The following ANAPC5 variants were observed in gnomAD, a reference collection of about 807,000 sequenced individuals.
ANAPC5 encodes the protein anaphase-promoting complex subunit 5.
Under a neutral mutation model 91.3 loss-of-function variants are expected in ANAPC5, and 60 were observed. The ratio of observed to expected loss-of-function variants is 0.66; its 90% CI spans 0.53 to 0.81. The LOEUF is 0.81. Ranked by LOEUF, ANAPC5 falls within the 40% of genes least tolerant of loss-of-function variation. The pLI is 0.00. For missense variants in ANAPC5, 690 were observed against 931.5 expected, an observed-to-expected ratio of 0.74 and a Z score of 3.37; for synonymous variants, 340 against 364.1, an observed-to-expected ratio of 0.93 and a Z score of 0.75.
At chr12:121,353,393 A>G (rs1370418248), upstream of ANAPC5, among the ~76,000 whole-genome samples, 1 of 152,100 alleles carries the variant, frequency 6.6e-6, no homozygotes, top group Non-Finnish European at 1.5e-5. Flanking sequence ...ACCACATACC[A>G]TTCAACTTTG....
intron 8 of ANAPC5, chr12:121,330,923 A>G (rs1903019275): frequency 2.2e-6 from 1 of 460,212 alleles, no homozygotes. Context: ...TCAGAAAAAA[A>G]GCATGAAGCT....
At chr12:121,353,341 G>A (rs957059163), upstream of ANAPC5, among the ~76,000 whole-genome samples, 5 of 152,134 alleles carry the variant, frequency 3.3e-5, no homozygotes, top group Non-Finnish European at 5.9e-5. Context: ...TATTATTAAT[G>A]ATCTGGTATC....
chr12:121,327,399 G>C, intron 10 of ANAPC5, 168 bp from the exon 11 acceptor site: 3 of 761,722 alleles, frequency 3.9e-6, no homozygotes, highest in Non-Finnish European at 6.1e-6. Flanking sequence ...CTCAGGATAA[G>C]AAAGGCAGAA....
chr12:121,352,184 TGACGGCG>T lies in ANAPC5; in HGVS notation c.150_156del (p.Val52SerfsTer28), dbSNP rs1903920632. On this transcript the variant is annotated frameshift_variant, in exon 1 of 17. Coordinates refer to ENST00000261819, the MANE Select transcript of ANAPC5 (RefSeq NM_016237.5). LOFTEE classifies it high-confidence loss of function. ...TTGAGCCTCCGCCGCTCCATGAGGC[TGACGGCG>T]CCCTCGCCTGTGCGGCTCATCTCGT... 8.7e-6 allele frequency: 14 copies of T among 1,613,242 alleles called. No homozygotes were observed. The highest frequency in any genetic ancestry group is 1.2e-5 in the Non-Finnish European group (14 of 1,179,352).
intron 5 of ANAPC5, among the ~76,000 whole-genome samples, chr12:121,338,396 T>C (rs1307233534): frequency 6.6e-6 from 1 of 151,992 alleles, no homozygotes; most frequent in Non-Finnish European, 1.5e-5. Flanking sequence ...GAGACCAGCC[T>C]GGCCAACATA....
chr12:121,332,750 G>A (rs1230257428), intron 7 of ANAPC5: 1 of 152,144 alleles, frequency 6.6e-6, no homozygotes, highest in East Asian at 1.9e-4. Context: ...CTGGGCCTGA[G>A]TAAATCAGGA....
intron 15 of ANAPC5, chr12:121,317,872 T>C (rs1902432756): frequency 6.5e-6 from 1 of 154,876 alleles, no homozygotes; most frequent in Non-Finnish European, 1.4e-5. Flanking sequence ...TCATGGCCTT[T>C]ACTGGGGGAG....
rs1321116097 is a variant in ANAPC5, at chr12:121,319,384, C to A, written c.1637+313G>T. Among the ~76,000 whole-genome samples, 4 of 152,026 alleles carry A rather than the reference C, an allele frequency of 2.6e-5. No homozygotes were observed. In the East Asian group the frequency reaches 5.8e-4, roughly 22 times the overall value. ...AGTAGCTGGGATTACAGGCACCCAC[C>A]ACCATGCCTGGCTAATTTTTTGTAC... On this transcript the variant is annotated intron_variant, in intron 13 of 16. Coordinates refer to ENST00000261819, the MANE Select transcript of ANAPC5 (RefSeq NM_016237.5).
At chr12:121,352,718 T>TTGTTGTTGGTGGTGGTGGTGGTGG (rs71079056), upstream of ANAPC5, among the ~76,000 whole-genome samples, 3,360 of 102,410 alleles carry the variant, frequency 0.033, 74 homozygotes, top group Non-Finnish European at 0.045. Flanking sequence ...GTTGTTGTTG[T>TTGTTGTTGGTGGTGGTGGTGGTGG]TGGTGGTGGT....
rs778811549 is a variant in ANAPC5, at chr12:121,318,482, T to C, written c.1745+19A>G. ...GATCCACCACCACATCTCCGTGAGA[T>C]GTACAAGAGACCCCTTACCTGATCA... On this transcript the variant is annotated intron_variant, in intron 14 of 16. Transcript: ENST00000261819. The C allele has an allele frequency of 1.9e-6, 3 of 1,613,614 alleles. No homozygotes were observed. Among genetic ancestry groups the C allele is most frequent in the Admixed American group, 1.7e-5 (1 of 59,926 alleles).
intron 11 of ANAPC5, among the ~76,000 whole-genome samples, chr12:121,321,882 T>G (rs1037396130): frequency 2.0e-5 from 3 of 151,084 alleles, no homozygotes; most frequent in Non-Finnish European, 4.4e-5. Flanking sequence ...CTTTTTTTTT[T>G]CTGAGACAGA....
At chr12:121,319,667 T>A (rs1902517213) in intron 13 of ANAPC5, 30 bp downstream of exon 13, 2 of 1,584,942 alleles carry the variant, frequency 1.3e-6, no homozygotes, top group East Asian at 4.6e-5. Context: ...ATTATTTTAT[T>A]CTGGGGTTAG....
intron 5 of ANAPC5, among the ~76,000 whole-genome samples, chr12:121,338,493 G>A (rs1298518855): frequency 6.6e-6 from 1 of 151,998 alleles, no homozygotes; most frequent in Non-Finnish European, 1.5e-5. Context: ...GGAGGCTGAG[G>A]CAGGAGAATC....
chr12:121,352,707 G>GGTTGTTGTTGTT (rs201395836), upstream of ANAPC5, among the ~76,000 whole-genome samples: 4 of 109,244 alleles, frequency 3.7e-5, no homozygotes, highest in Admixed American at 1.1e-4. Flanking sequence ...TTTTGTTGTT[G>GGTTGTTGTTGTT]GTTGTTGTTG....
chr12:121,314,261 T>C (rs1056371786), intron 15 of ANAPC5, among the ~76,000 whole-genome samples: 2 of 152,158 alleles, frequency 1.3e-5, no homozygotes, highest in East Asian at 1.9e-4. Context: ...TACTTGGGCA[T>C]GGTGGTGCAC....
intron 11 of ANAPC5, among the ~76,000 whole-genome samples, chr12:121,322,128 T>G (rs1902640918): frequency 6.6e-6 from 1 of 150,474 alleles, no homozygotes; most frequent in African/African-American, 2.5e-5. Flanking sequence ...TCTCCCAAAG[T>G]GCTGGGATTA....
intron 13 of ANAPC5, among the ~76,000 whole-genome samples, chr12:121,319,005 G>T (rs949963996): frequency 1.3e-5 from 2 of 151,814 alleles, no homozygotes; most frequent in Admixed American, 1.3e-4. Context: ...GGGCGACAGA[G>T]TGAGACTCTG....
At chr12:121,326,688 C>T (rs554055780) in intron 11 of ANAPC5, 1 of 155,990 alleles carries the variant, frequency 6.4e-6, no homozygotes, top group South Asian at 1.9e-4. Context: ...GAAGTGGATT[C>T]TATGAGACAG....
intron 4 of ANAPC5, among the ~76,000 whole-genome samples, chr12:121,345,492 T>A (rs1903629667): frequency 6.6e-6 from 1 of 152,040 alleles, no homozygotes; most frequent in African/African-American, 2.4e-5. Context: ...CTGCAAACAC[T>A]TGCTCCTAGT....
Sources: gnomAD v4.1 joint callset for allele counts (sites outside exome capture counted in the v4.1 genomes callset) on GRCh38, gnomAD v4.1.1 for gene constraint, MANE v1.5 for transcripts, NCBI Gene and HGNC (gene_info 2026-07-23, HGNC 2026-07-21) for gene names.